OAS3: variants seen among roughly 807,000 people sequenced by gnomAD.
OAS3 encodes 2'-5'-oligoadenylate synthetase 3.
Under a neutral mutation model 113.0 loss-of-function variants are expected in OAS3, and 107 were observed. The observed-to-expected ratio is 0.95, with a 90% CI of 0.81 to 1.11. The LOEUF is 1.11. OAS3 is among the 50% of genes most tolerant of loss of function. The pLI, the probability that OAS3 is intolerant of heterozygous loss-of-function variation, is 0.00. For missense variants in OAS3, 1,258 were observed against 1,389.1 expected (o/e 0.91, Z 1.50); for synonymous variants, 552 against 573.6 (o/e 0.96, Z 0.54).
chr12:112,966,589 G>A (rs750113736), intron 12 of OAS3, among the ~76,000 whole-genome samples: 2 of 152,182 alleles, frequency 1.3e-5, no homozygotes, highest in African/African-American at 2.4e-5. Flanking sequence ...CCTTGTATCC[G>A]AATTTATTTG....
intron 14 of OAS3, among the ~76,000 whole-genome samples, chr12:112,968,589 C>G (rs2043957117): frequency 6.6e-6 from 1 of 152,210 alleles, no homozygotes; most frequent in Admixed American, 6.5e-5. Context: ...TCTTGGCTCA[C>G]TGCAACCCTC....
At chr12:112,942,643 A>G (rs2043689864) in intron 2 of OAS3, among the ~76,000 whole-genome samples, 1 of 151,858 alleles carries the variant, frequency 6.6e-6, no homozygotes, top group Admixed American at 6.6e-5. Context: ...GTTTGAGCCC[A>G]GGCAGTGGAG....
chr12:112,950,692 G>A lies in OAS3; in HGVS notation c.1375-1G>A. 1.2e-6 allele frequency: 2 copies of A among 1,613,866 alleles called. No individual in the cohort carries two copies. The highest frequency in any genetic ancestry group is 2.2e-5 in the South Asian group (2 of 91,068). ...GATCTGAGCTGTTCTTCCCTCCACA[G>A]GGGGGCTCATTTGGCCGGGGCACAG... On this transcript the variant is annotated splice_acceptor_variant, in intron 6 of 15. Transcript: ENST00000228928. LOFTEE classifies it high-confidence loss of function.
chr12:112,955,311 A>T (rs1037243665), intron 7 of OAS3, among the ~76,000 whole-genome samples: 2 of 152,164 alleles, frequency 1.3e-5, no homozygotes, highest in Non-Finnish European at 2.9e-5. Context: ...AATACCCTTT[A>T]TTTCTTTCTC....
intron 6 of OAS3, 23 bp downstream of exon 6, chr12:112,949,228 C>T: frequency 6.5e-7 from 1 of 1,538,650 alleles, no homozygotes; most frequent in Non-Finnish European, 8.7e-7. Flanking sequence ...AGTGGAGACA[C>T]AGGGGGGACC....
At chr12:112,969,881 T>G (rs901492264) in intron 15 of OAS3, 81 bp from the exon 16 acceptor site, 3 of 1,590,466 alleles carry the variant, frequency 1.9e-6, no homozygotes, top group Non-Finnish European at 2.6e-6. Flanking sequence ...CCCCTGTGCT[T>G]CCATTTTCCC....
intron 5 of OAS3, among the ~76,000 whole-genome samples, chr12:112,948,435 G>A (rs552286445): frequency 1.3e-5 from 2 of 149,258 alleles, no homozygotes; most frequent in East Asian, 2.0e-4. Context: ...CTAGGGAGGC[G>A]GAGGTTGCAA....
chr12:112,967,291 C>A, intron 12 of OAS3, 127 bp from the exon 13 acceptor site: 1 of 820,888 alleles, frequency 1.2e-6, no homozygotes, highest in Non-Finnish European at 1.9e-6. Flanking sequence ...CTGTGGCCTC[C>A]CAGTGGATCC....
At chr12:112,968,203 T>C in intron 14 of OAS3, 29 bp downstream of exon 14, 2 of 1,592,216 alleles carry the variant, frequency 1.3e-6, no homozygotes, top group Non-Finnish European at 1.7e-6. Flanking sequence ...TGTTCCAGAA[T>C]TTCAAACCTG....
intron 2 of OAS3, among the ~76,000 whole-genome samples, chr12:112,943,946 G>A (rs1396158620): frequency 6.6e-6 from 1 of 152,168 alleles, no homozygotes; most frequent in African/African-American, 2.4e-5. Flanking sequence ...TCCCACCTTG[G>A]CCTCCCAAAG....
intron 7 of OAS3, among the ~76,000 whole-genome samples, chr12:112,957,342 G>A (rs532041279): frequency 1.9e-4 from 29 of 152,210 alleles, no homozygotes; most frequent in Non-Finnish European, 2.4e-4. Context: ...TACATTTAAC[G>A]TTAATATTGT....
intron 2 of OAS3, chr12:112,942,398 T>C (rs1333250825): frequency 6.0e-6 from 1 of 166,660 alleles, no homozygotes; most frequent in East Asian, 1.6e-4. Flanking sequence ...TGCATTAATA[T>C]ATGTAATCAA....
Position 112,963,235 on chromosome 12 carries a change from C to A in OAS3, c.2085-78C>A, listed in dbSNP as rs934778256. On this transcript the variant is annotated intron_variant, in intron 9 of 15. Transcript: ENST00000228928. The surrounding 1 kb of genome is among the most constrained non-coding windows in gnomAD (Gnocchi z 4.6). ...CCTGACACTCTTTCCAGCCCTCACG[C>A]CCCTTTTCAGCCCTTCCACCCGCCT... 1.4e-6 allele frequency: 2 copies of A among 1,444,588 alleles called. No homozygotes were observed. Among genetic ancestry groups the A allele is most frequent in the Non-Finnish European group, 1.8e-6 (2 of 1,081,668 alleles). 89.5% of individuals were successfully genotyped at this position (1,444,588 alleles called of 1,614,324 possible).
Position 112,954,532 on chromosome 12 carries a change from G to A in OAS3, c.1657+3557G>A, listed in dbSNP as rs1168833377. On this transcript the variant is annotated intron_variant, in intron 7 of 15. Transcript: ENST00000228928. This position sits in a 1 kb window ranked among gnomAD's most constrained non-coding sequence, Gnocchi z 4.0. ...AGGATGGTCTTGATCTCCCGACCTC[G>A]TGATCCACCCACCTCGGCCTCCCAA... is the stretch of plus-strand genomic sequence containing the variant. Among the ~76,000 whole-genome samples, 7 of 152,106 alleles carry A rather than the reference G, an allele frequency of 4.6e-5. No individual in the cohort carries two copies. The highest frequency in any genetic ancestry group is 1.9e-4 in the East Asian group (1 of 5,188).
At chr12:112,969,825 A>G (rs1299539893) in intron 15 of OAS3, 70 bp downstream of exon 15, 9 of 1,597,352 alleles carry the variant, frequency 5.6e-6, no homozygotes, top group Non-Finnish European at 6.8e-6. Context: ...GGGGAGGGAC[A>G]TGATTCCCAC....
chr12:112,970,334 G>A lies in OAS3; in HGVS notation c.*361G>A, dbSNP rs1175632846. ...GACTCCTCTCTGCCCATGCAAATTA[G>A]CTCACATCTTTCCTCCTGCTGCAAT... On this transcript the variant is annotated 3_prime_UTR_variant, in exon 16 of 16. Transcript: ENST00000228928. The A allele has an allele frequency of 6.1e-6, 2 of 330,470 alleles. No homozygotes were observed. Among genetic ancestry groups the A allele is most frequent in the East Asian group, 1.3e-4 (2 of 15,360 alleles). The allele number at this position is 330,470 out of a possible 1,614,324, so 20.5% of individuals were successfully genotyped here. A position where few individuals can be genotyped will look rare whatever the true frequency, so the allele number is the denominator to read the frequency against.
chr12:112,959,007 C>G (rs1198137947), intron 7 of OAS3, among the ~76,000 whole-genome samples: 1 of 152,242 alleles, frequency 6.6e-6, no homozygotes, highest in Non-Finnish European at 1.5e-5. Flanking sequence ...TTCGAGCTTC[C>G]CAGCCACTTT....
chr12:112,966,141 C>A, intron 12 of OAS3, 112 bp downstream of exon 12: 1 of 1,087,190 alleles, frequency 9.2e-7, no homozygotes, highest in Non-Finnish European at 1.3e-6. Flanking sequence ...CGCATCATTG[C>A]AGGCATTGTA....
At chr12:112,956,778 A>G (rs1332382463) in intron 7 of OAS3, among the ~76,000 whole-genome samples, 1 of 152,224 alleles carries the variant, frequency 6.6e-6, no homozygotes, top group Non-Finnish European at 1.5e-5. Context: ...ATTTTGGAAT[A>G]AGTGTAATGT....
Sources: gnomAD v4.1 joint callset for allele counts (sites outside exome capture counted in the v4.1 genomes callset) on GRCh38, gnomAD v4.1.1 for gene constraint, Gnocchi (gnomAD v3.1) non-coding constraint, MANE v1.5 for transcripts, NCBI Gene and HGNC (gene_info 2026-07-23, HGNC 2026-07-21) for gene names.